Variants in GCKR observed in about 807,000 individuals in gnomAD.
GCKR encodes the protein glucokinase regulator.
A neutral mutation model predicts 82.9 loss-of-function variants in GCKR; 73 were observed. The observed-to-expected ratio is 0.88, with a 90% CI of 0.73 to 1.07. GCKR has a LOEUF of 1.07. Ranked by LOEUF, GCKR falls within the 50% of genes least tolerant of loss-of-function variation. The pLI is 0.00. For missense variants in GCKR, 784 were observed against 782.1 expected, an observed-to-expected ratio of 1.00 and a Z score of -0.03; for synonymous variants, 294 against 291.8, an observed-to-expected ratio of 1.01 and a Z score of -0.08.
intron 16 of GCKR, among the ~76,000 whole-genome samples, chr2:27,516,864 G>A (rs1670023548): frequency 6.6e-6 from 1 of 152,042 alleles, no homozygotes; most frequent in Non-Finnish European, 1.5e-5. Flanking sequence ...CTTATATTTA[G>A]TGTCGTGGAC....
chr2:27,500,686 C>T (rs1011553030), intron 7 of GCKR, among the ~76,000 whole-genome samples: 4 of 152,132 alleles, frequency 2.6e-5, no homozygotes, highest in African/African-American at 7.2e-5. Context: ...AATCTCAGGC[C>T]CCACTCTGGA....
chr2:27,523,250 C>A lies in GCKR; in HGVS notation c.1708-19C>A. 1 of 1,609,028 alleles carries A rather than the reference C, an allele frequency of 6.2e-7. No homozygotes were observed. Among genetic ancestry groups the A allele is most frequent in the Non-Finnish European group, 8.5e-7 (1 of 1,177,342 alleles). ...CCTCATTCCCTCAGGCTTCAGTGCC[C>A]ACTGCCTCTTCCCCACAGGTGATAC... is the stretch of plus-strand genomic sequence containing the variant. On this transcript the variant is annotated intron_variant, in intron 18 of 18. Coordinates refer to ENST00000264717, the MANE Select transcript of GCKR (RefSeq NM_001486.4).
At chr2:27,508,999 G>A (rs1669816178) in intron 16 of GCKR, among the ~76,000 whole-genome samples, 2 of 151,916 alleles carry the variant, frequency 1.3e-5, no homozygotes, top group African/African-American at 4.8e-5. Flanking sequence ...ATAATAATCA[G>A]TGTGTGTGCT....
intron 16 of GCKR, among the ~76,000 whole-genome samples, chr2:27,510,879 T>G (rs577291003): frequency 1.2e-4 from 19 of 152,172 alleles, no homozygotes; most frequent in Non-Finnish European, 2.4e-4. Flanking sequence ...AGTAGCCCTT[T>G]TTTTCTTTTC....
chr2:27,500,883 C>T (rs141462103), intron 7 of GCKR, among the ~76,000 whole-genome samples: 21 of 152,314 alleles, frequency 1.4e-4, no homozygotes, highest in Non-Finnish European at 2.2e-4. Flanking sequence ...AAAGAGTTTA[C>T]GATTTTAGTT....
chr2:27,506,643 ACT>A, intron 11 of GCKR, 64 bp downstream of exon 11: 2 of 1,217,424 alleles, frequency 1.6e-6, no homozygotes, highest in Non-Finnish European at 2.4e-6. Flanking sequence ...GAGCAGGGAG[ACT>A]CTGTGAGACA....
Position 27,522,521 on chromosome 2 carries a change from C to T in GCKR, c.1634C>T (p.Pro545Leu). 6.2e-7 allele frequency: 1 copy of T among 1,613,980 alleles called. No homozygotes were observed. Among genetic ancestry groups the T allele is most frequent in the South Asian group, 1.1e-5 (1 of 91,082 alleles). ...IESLLRAIHF[P>L]QPLSDDIRAA... ...AGCCTCCTCCGAGCGATCCACTTTCCCCAGCCACTGTCAGATGATATTCGG... is the reference window on the plus strand; with the variant it reads ...AGCCTCCTCCGAGCGATCCACTTTCTCCAGCCACTGTCAGATGATATTCGG... The change falls in exon 18 of 19, where the codon CCC becomes CTC. Residue 545 changes from proline (P) to leucine (L), a missense_variant. Coordinates refer to ENST00000264717, the MANE Select transcript of GCKR (RefSeq NM_001486.4).
At chr2:27,507,868 G>T in intron 14 of GCKR, 91 bp downstream of exon 14, 2 of 1,127,604 alleles carry the variant, frequency 1.8e-6, no homozygotes, top group Non-Finnish European at 2.7e-6. Flanking sequence ...TAGGGTACCT[G>T]CTCAGAGGGA....
At chr2:27,522,709 C>T (rs1409896360) in intron 18 of GCKR, 115 bp downstream of exon 18, 8 of 867,170 alleles carry the variant, frequency 9.2e-6, no homozygotes, top group Non-Finnish European at 1.6e-5. Flanking sequence ...TCACAAGGAC[C>T]TCCACATTCA....
intron 16 of GCKR, among the ~76,000 whole-genome samples, chr2:27,518,488 G>A (rs757301444): frequency 6.6e-6 from 1 of 152,248 alleles, no homozygotes; most frequent in African/African-American, 2.4e-5. Flanking sequence ...TCTGATACCC[G>A]GGGAGAAAAA....
At chr2:27,514,201 A>C (rs961978958) in intron 16 of GCKR, among the ~76,000 whole-genome samples, 2 of 152,146 alleles carry the variant, frequency 1.3e-5, no homozygotes, top group Non-Finnish European at 2.9e-5. Flanking sequence ...ATATACATGC[A>C]TACATACATA....
chr2:27,511,089 G>A (rs1171300192), intron 16 of GCKR, among the ~76,000 whole-genome samples: 1 of 152,046 alleles, frequency 6.6e-6, no homozygotes, highest in Non-Finnish European at 1.5e-5. Context: ...GTACAGTGGT[G>A]TGATCTTGGC....
chr2:27,500,647 G>T (rs114957894), intron 7 of GCKR, among the ~76,000 whole-genome samples: 66 of 152,288 alleles, frequency 4.3e-4, no homozygotes, highest in East Asian at 9.6e-4. Flanking sequence ...AGCAACATCA[G>T]TGTCACCTGG....
At chr2:27,503,115 G>A (rs1669627118) in intron 8 of GCKR, among the ~76,000 whole-genome samples, 1 of 152,244 alleles carries the variant, frequency 6.6e-6, no homozygotes, top group Admixed American at 6.5e-5. Flanking sequence ...CCACAAATGG[G>A]AAGGGCTTCT....
intron 8 of GCKR, chr2:27,501,715 C>T (rs917240737): frequency 1.3e-5 from 6 of 471,316 alleles, no homozygotes; most frequent in Non-Finnish European, 2.6e-5. Context: ...CCCGAGGATC[C>T]TCAGATCTCT....
At position 27,507,248 on chromosome 2, in the gene GCKR, C is replaced by A; in HGVS notation, c.1080C>A (p.Val360=). The change falls in exon 13 of 19, where the codon GTC becomes GTA. Residue 360 remains valine (V), a synonymous_variant. Coordinates refer to ENST00000264717, the MANE Select transcript of GCKR (RefSeq NM_001486.4). The stretch of plus-strand genomic sequence containing the variant: ...TAAACTTCCCAGATTTCCGAGATGT[C>A]CGTGGCTTTCTCATTGGTGATCACA... The part of the protein sequence containing the change: ...IHTFGADFRD[V]RGFLIGDHSD... 2 of 1,610,454 alleles carry A rather than the reference C, an allele frequency of 1.2e-6. No homozygotes were observed. Among genetic ancestry groups the A allele is most frequent in the Non-Finnish European group, 1.7e-6 (2 of 1,176,632 alleles).
rs1670204674 is a variant in GCKR, at chr2:27,523,615, A to G, written c.*176A>G. On this transcript the variant is annotated 3_prime_UTR_variant, in exon 19 of 19. Coordinates refer to ENST00000264717, the MANE Select transcript of GCKR (RefSeq NM_001486.4). ...CTTTGGGGGAGAGTTCTTGCTCTCG[A>G]CCTAGTGGTTTCTACTCTCACCGAC... is the stretch of plus-strand genomic sequence containing the variant. The G allele has an allele frequency of 1.6e-6, 1 of 641,988 alleles. No individual in the cohort carries two copies. The highest frequency in any genetic ancestry group is 1.8e-5 in the South Asian group (1 of 55,182). 39.8% of individuals were successfully genotyped at this position (641,988 alleles called of 1,614,324 possible).
intron 11 of GCKR, 85 bp downstream of exon 11, chr2:27,506,664 C>A: frequency 8.9e-7 from 1 of 1,122,710 alleles, no homozygotes; most frequent in African/African-American, 1.5e-5. Context: ...CATGTTAACA[C>A]GGTATGGGCG....
intron 16 of GCKR, among the ~76,000 whole-genome samples, chr2:27,513,394 G>T (rs755063845): frequency 4.5e-4 from 69 of 152,154 alleles, no homozygotes; most frequent in Non-Finnish European, 2.1e-4. Context: ...GCCGGGTGTG[G>T]TGGTGTGCAC....
Sources: gnomAD v4.1 joint callset for allele counts (sites outside exome capture counted in the v4.1 genomes callset) on GRCh38, gnomAD v4.1.1 for gene constraint, MANE v1.5 for transcripts, NCBI Gene and HGNC (gene_info 2026-07-23, HGNC 2026-07-21) for gene names.